The following CCDC88C variants were observed in gnomAD, a reference collection of about 807,000 sequenced individuals.
CCDC88C encodes the protein protein Daple.
Under a neutral mutation model 198.8 loss-of-function variants are expected in CCDC88C, and 131 were observed. The observed-to-expected ratio is 0.66, with a 90% confidence interval of 0.57 to 0.76. The LOEUF is 0.76. Ranked by LOEUF, CCDC88C falls within the 30% of genes least tolerant of loss-of-function variation. CCDC88C has a pLI of 0.00. For missense variants in CCDC88C, 2,553 were observed against 2,631.6 expected, an observed-to-expected ratio of 0.97 and a Z score of 0.65; for synonymous variants, 1,166 against 1,114.7, an observed-to-expected ratio of 1.05 and a Z score of -0.92.
chr14:91,371,336 G>A lies in CCDC88C; in HGVS notation c.271-11625C>T, dbSNP rs1894788803. Among the ~76,000 whole-genome samples, 1 of 152,138 alleles carries A rather than the reference G, an allele frequency of 6.6e-6. No homozygotes were observed. The highest frequency in any genetic ancestry group is 1.5e-5 in the Non-Finnish European group (1 of 68,030). ...CTGATGGATAAGCAAGAAAGGGGCA[G>A]AGAAAGTGTGGCCAGAGGAAACTAC... On this transcript the variant is annotated intron_variant, in intron 3 of 29. Transcript: ENST00000389857. This position sits in a 1 kb window ranked among gnomAD's most constrained non-coding sequence, Gnocchi z 4.2.
Position 91,288,858 on chromosome 14 carries a change from G to A in CCDC88C, c.4441+247C>T, listed in dbSNP as rs561084627. The A allele has an allele frequency of 2.5e-6, 1 of 400,098 alleles. No individual in the cohort carries two copies. 24.8% of individuals were successfully genotyped at this position (400,098 alleles called of 1,614,324 possible). A position where few individuals can be genotyped will look rare whatever the true frequency, so the allele number is the denominator to read the frequency against. On this transcript the variant is annotated intron_variant, in intron 25 of 29. Coordinates refer to ENST00000389857, the MANE Select transcript of CCDC88C (RefSeq NM_001080414.4). The surrounding 1 kb of genome is among the most constrained non-coding windows in gnomAD (Gnocchi z 4.2). Reference sequence around the variant, plus strand: ...GGCAGCCAGGCTGCACTCTAGCCTGGGCAACAAGAGTGAAACTCCATCTCA... The same window carrying A: ...GGCAGCCAGGCTGCACTCTAGCCTGAGCAACAAGAGTGAAACTCCATCTCA...
At chr14:91,336,860 C>G (rs919226077) in intron 10 of CCDC88C, among the ~76,000 whole-genome samples, 15 of 152,244 alleles carry the variant, frequency 9.9e-5, no homozygotes, top group African/African-American at 3.6e-4. Flanking sequence ...CGTAGAGATC[C>G]TGGGCTCACA....
intron 29 of CCDC88C, among the ~76,000 whole-genome samples, chr14:91,276,013 G>T (rs888456444): frequency 5.3e-5 from 8 of 151,604 alleles, no homozygotes; most frequent in African/African-American, 1.7e-4. Flanking sequence ...GTAGAGACGG[G>T]GTTTCACCGT....
chr14:91,321,021 T>G (rs1351756657), intron 13 of CCDC88C, 99 bp downstream of exon 13: 2 of 1,157,508 alleles, frequency 1.7e-6, no homozygotes, highest in African/African-American at 3.1e-5. Context: ...ATGCTCTACC[T>G]GGCCCCCTCC....
Position 91,303,787 on chromosome 14 carries a change from G to A in CCDC88C, c.3549C>T (p.Ala1183=), listed in dbSNP as rs369163210. 2 of 1,613,418 alleles carry A rather than the reference G, an allele frequency of 1.2e-6. No homozygotes were observed. Among genetic ancestry groups the A allele is most frequent in the Non-Finnish European group, 1.7e-6 (2 of 1,179,874 alleles). Residue 1183 remains alanine (A), a synonymous_variant, in exon 20 of 30, where the codon GCC becomes GCT. Coordinates refer to ENST00000389857, the MANE Select transcript of CCDC88C (RefSeq NM_001080414.4). ...HLGTLHERQS[A]EYEALIRQHS... ...GCTGGCGGATGAGGGCCTCGTACTC[G>A]GCCGATTGCCGCTCGTGCAGCGTGC...
chr14:91,281,377 C>T (rs1890190624), intron 27 of CCDC88C, 80 bp downstream of exon 27: 9 of 1,606,176 alleles, frequency 5.6e-6, no homozygotes, highest in South Asian at 2.2e-5. Flanking sequence ...CCGTACAGGA[C>T]TCAGCTTAAA....
At chr14:91,279,381 C>T (rs992513124) in intron 27 of CCDC88C, 75 bp from the exon 28 acceptor site, 37 of 1,267,944 alleles carry the variant, frequency 2.9e-5, no homozygotes, top group South Asian at 1.1e-4. Flanking sequence ...CTAAGAAAAA[C>T]GATGCAGCAA....
intron 23 of CCDC88C, among the ~76,000 whole-genome samples, chr14:91,291,949 G>C (rs1354772197): frequency 6.6e-6 from 1 of 152,190 alleles, no homozygotes; most frequent in Non-Finnish European, 1.5e-5. Flanking sequence ...AGTGCATTCG[G>C]AGCCGCGCTG....
rs775495790 is a variant in CCDC88C, at chr14:91,297,337, T to C, written c.3934A>G (p.Ile1312Val). 12 of 1,613,770 alleles carry C rather than the reference T, an allele frequency of 7.4e-6. No individual in the cohort carries two copies. The Admixed American group carries it at 1.8e-4, about 25-fold the overall frequency. Residue 1312 changes from isoleucine (I) to valine (V), a missense_variant, in exon 22 of 30, where the codon ATC (isoleucine) becomes GTC (valine). Transcript: ENST00000389857. ...ELKEQHQTMD[I>V]SLTKLDNHCE... ...TGGTTGTCCAGCTTGGTCAGCGAGA[T>C]GTCCATGGTCTGGTGCTGCTCCTTC...
intron 12 of CCDC88C, among the ~76,000 whole-genome samples, chr14:91,322,530 AT>A (rs1177930706): frequency 6.6e-6 from 1 of 152,268 alleles, no homozygotes; most frequent in Non-Finnish European, 1.5e-5. Flanking sequence ...TAAGCTGTAA[AT>A]GAAACTAACC....
At chr14:91,290,838 G>A (rs1445907539) in intron 24 of CCDC88C, among the ~76,000 whole-genome samples, 157 bp downstream of exon 24, 3 of 152,200 alleles carry the variant, frequency 2.0e-5, no homozygotes, top group Non-Finnish European at 4.4e-5. Context: ...AGAGTACAGA[G>A]GCAGGCTGGA....
chr14:91,358,442 T>C (rs1410733585), intron 4 of CCDC88C, among the ~76,000 whole-genome samples: 4 of 152,156 alleles, frequency 2.6e-5, no homozygotes, highest in Admixed American at 6.5e-5. Flanking sequence ...GGTTTCAAAA[T>C]GATGACAAGG....
At chr14:91,297,148 C>T (rs1387911676) in intron 22 of CCDC88C, among the ~76,000 whole-genome samples, 157 bp downstream of exon 22, 1 of 152,250 alleles carries the variant, frequency 6.6e-6, no homozygotes, top group African/African-American at 2.4e-5. Context: ...CCCCCGTCAG[C>T]ACCTCTGGCT....
intron 3 of CCDC88C, among the ~76,000 whole-genome samples, chr14:91,395,418 C>T (rs557283774): frequency 1.9e-4 from 29 of 152,192 alleles, no homozygotes; most frequent in African/African-American, 3.1e-4. Flanking sequence ...TGAGGTTGGA[C>T]GATGCACCCT....
chr14:91,380,258 C>T (rs990408523), intron 3 of CCDC88C, among the ~76,000 whole-genome samples: 11 of 152,310 alleles, frequency 7.2e-5, no homozygotes, highest in African/African-American at 2.4e-4. Context: ...GCTGGACATA[C>T]TGCAGCTTTT....
At chr14:91,304,989 T>C (rs971883838) in intron 19 of CCDC88C, among the ~76,000 whole-genome samples, 1 of 152,194 alleles carries the variant, frequency 6.6e-6, no homozygotes, top group African/African-American at 2.4e-5. Context: ...ACGCCTGTAA[T>C]CCCAGCACTT....
rs1891939316 is a variant in CCDC88C, at chr14:91,313,524, C to T, written c.2292G>A (p.Val764=). The T allele has an allele frequency of 6.2e-7, 1 of 1,609,426 alleles. No individual in the cohort carries two copies. The highest frequency in any genetic ancestry group is 1.7e-5 in the Admixed American group (1 of 60,008). Residue 764 remains valine, a synonymous_variant, in exon 15 of 30, where the codon GTG becomes GTA. Transcript: ENST00000389857. The surrounding 1 kb of genome is among the most constrained non-coding windows in gnomAD (Gnocchi z 5.2). ...SERLELSYQS[V]SAENLRLQQS... ...GCTGCAGCCGGAGGTTCTCAGCGCT[C>T]ACGCTCTGGTAGCTGAGCTCCAGGC...
intron 29 of CCDC88C, among the ~76,000 whole-genome samples, chr14:91,274,450 G>T (rs1889873501): frequency 6.6e-6 from 1 of 152,220 alleles, no homozygotes; most frequent in Admixed American, 6.5e-5. Flanking sequence ...GCAGCCTTCT[G>T]CAAGCCTAGC....
chr14:91,283,572 G>T, intron 25 of CCDC88C, 55 bp from the exon 26 acceptor site: 2 of 1,516,616 alleles, frequency 1.3e-6, no homozygotes, highest in East Asian at 2.4e-5. Context: ...TACCCAGGCT[G>T]GGAAACCACA....
Sources: allele counts gnomAD v4.1 joint callset (sites outside exome capture counted in the v4.1 genomes callset), GRCh38; gene constraint gnomAD v4.1.1; non-coding constraint Gnocchi (gnomAD v3.1); transcripts MANE v1.5; gene names NCBI Gene and HGNC (gene_info 2026-07-23, HGNC 2026-07-21).